Variants in EFHB observed in about 807,000 individuals in gnomAD.
EFHB encodes the protein EF-hand domain-containing family member B.
In EFHB, 91 loss-of-function variants were observed where a neutral mutation model predicts 87.2. The observed-to-expected ratio is 1.04, with a 90% CI of 0.88 to 1.24. The LOEUF is 1.24. Ranked by LOEUF, EFHB falls within the 50% of genes most tolerant of loss-of-function variation. EFHB has a pLI of 0.00. For missense variants in EFHB, 1,084 were observed against 998.8 expected, an observed-to-expected ratio of 1.09 and a Z score of -1.15; for synonymous variants, 325 against 333.6, an observed-to-expected ratio of 0.97 and a Z score of 0.28.
Position 19,888,595 on chromosome 3 carries a change from G to C in EFHB, c.1782C>G (p.Asn594Lys). The C allele has an allele frequency of 6.2e-7, 1 of 1,607,334 alleles. No individual in the cohort carries two copies. Among genetic ancestry groups the C allele is most frequent in the Non-Finnish European group, 8.5e-7 (1 of 1,176,678 alleles). ...CCAGGAGCTTGTCATCTAAACTCAA[G>C]TTGGCCTGGTCACAAGCTTCCTGCA... ...DELQEACDQA[N>K]LSLDDKLLDQ... is the part of the protein sequence containing the mutation. Residue 594 changes from asparagine to lysine, a missense_variant, in exon 10 of 13, where the codon AAC becomes AAG. Asn to Lys is a moderately conservative substitution (Grantham distance 94). Coordinates refer to ENST00000295824, the MANE Select transcript of EFHB (RefSeq NM_144715.4).
chr3:19,894,128 A>C (rs1694394814), intron 9 of EFHB, among the ~76,000 whole-genome samples: 1 of 152,216 alleles, frequency 6.6e-6, no homozygotes, highest in South Asian at 2.1e-4. Context: ...CTCTGAGTTT[A>C]TCATAGTACT....
intron 5 of EFHB, among the ~76,000 whole-genome samples, chr3:19,906,765 G>A (rs1694856476): frequency 1.3e-5 from 2 of 151,534 alleles, no homozygotes; most frequent in Non-Finnish European, 1.5e-5. Flanking sequence ...GTAATTATTA[G>A]GAAAAAGAAA....
intron 5 of EFHB, among the ~76,000 whole-genome samples, chr3:19,908,988 A>C (rs1349425609): frequency 6.6e-6 from 1 of 151,638 alleles, no homozygotes; most frequent in Admixed American, 6.6e-5. Flanking sequence ...GCAGAATAGA[A>C]AGCTCCACTG....
intron 5 of EFHB, among the ~76,000 whole-genome samples, chr3:19,908,576 G>A (rs373496763): frequency 0.091 from 8,631 of 94,546 alleles, 372 homozygotes; most frequent in Non-Finnish European, 0.13. Flanking sequence ...GAGAGAGAGA[G>A]AGAGAGAGAG....
chr3:19,916,253 G>A (rs1695226528), intron 4 of EFHB, among the ~76,000 whole-genome samples: 2 of 152,092 alleles, frequency 1.3e-5, no homozygotes, highest in Non-Finnish European at 2.9e-5. Context: ...AGTGGCTCAG[G>A]CCTGTAATCC....
chr3:19,912,891 A>G (rs890636347), intron 5 of EFHB, among the ~76,000 whole-genome samples: 11 of 152,214 alleles, frequency 7.2e-5, no homozygotes, highest in African/African-American at 2.4e-4. Context: ...AAATCAATCA[A>G]TGGGATATAT....
rs199811835 is a variant in EFHB, at chr3:19,941,868, A to AT, written c.-32+5050_-32+5051insA. On this transcript the variant is annotated intron_variant, in intron 1 of 14. Transcript: ENST00000344838. Reference sequence around the variant, plus strand: ...GTGAGACTCCATCAAAAAAAAAAAAAAAAGGCCAGGAACAGTGGCTCACAC... The same window carrying AT: ...GTGAGACTCCATCAAAAAAAAAAAAATAAAGGCCAGGAACAGTGGCTCACAC... 2.2e-4 allele frequency among the ~76,000 whole-genome samples: 32 copies of AT among 148,086 alleles called. 1 individual carries two copies. In the East Asian group the frequency reaches 2.4e-3, roughly 11 times the overall value.
chr3:19,885,182 A>G (rs1441571734), intron 10 of EFHB, among the ~76,000 whole-genome samples: 1 of 151,002 alleles, frequency 6.6e-6, no homozygotes, highest in East Asian at 1.9e-4. Context: ...AGATCGCGCC[A>G]TTGCACTCCA....
At position 19,896,690 on chromosome 3, in the gene EFHB, G is replaced by T. The variant is rs1160689451; in HGVS notation, c.1722C>A (p.Asp574Glu). 1.9e-6 allele frequency: 3 copies of T among 1,613,994 alleles called. No homozygotes were observed. Among genetic ancestry groups the T allele is most frequent in the Non-Finnish European group, 2.5e-6 (3 of 1,179,876 alleles). The change falls in exon 9 of 13, where the codon GAC becomes GAA. Residue 574 changes from aspartate (D) to glutamate (E), a missense_variant. By Grantham distance (45) the Asp-to-Glu change is conservative (BLOSUM62 2). Transcript: ENST00000295824. ...DTLLAAFRHY[D>E]KKGDGMIDKD... ...AAAGCTCTCCCCCATTACTGGCCTT[G>T]TCATAGTGCCTGAAGGCTGCCAGCA...
chr3:19,899,793 C>A (rs1694609692), intron 6 of EFHB, among the ~76,000 whole-genome samples: 1 of 152,154 alleles, frequency 6.6e-6, no homozygotes. Context: ...TAGCTCCTGG[C>A]CGGGCACAGT....
chr3:19,916,948 T>G (rs2931401), intron 4 of EFHB, among the ~76,000 whole-genome samples: 102,960 of 152,010 alleles, frequency 0.68, 35,625 homozygotes, highest in African/African-American at 0.79. Flanking sequence ...ATATATACAT[T>G]TTTTGAAACA....
chr3:19,939,536 C>T (rs899244261), intron 1 of EFHB, among the ~76,000 whole-genome samples: 8 of 150,280 alleles, frequency 5.3e-5, no homozygotes, highest in South Asian at 2.2e-4. Context: ...AGGCGCCCGC[C>T]ACCACACCCG....
chr3:19,904,801 C>A (rs1372464279), intron 6 of EFHB, among the ~76,000 whole-genome samples: 1 of 152,148 alleles, frequency 6.6e-6, no homozygotes, highest in Non-Finnish European at 1.5e-5. Flanking sequence ...ATAGACATAT[C>A]TTTTTGTGGA....
At position 19,919,977 on chromosome 3, in the gene EFHB, C is replaced by G. The variant is rs759808048; in HGVS notation, c.853-1G>C. On this transcript the variant is annotated splice_acceptor_variant, in intron 2 of 12. Transcript: ENST00000295824. LOFTEE classifies it high-confidence loss of function. ...TTTTTGCTTCAGGTGGAGTAATTAG[C>G]TACAAAGAGTGAGGCAAGAAAATAG... 6.2e-7 allele frequency: 1 copy of G among 1,613,426 alleles called. No homozygotes were observed. Among genetic ancestry groups the G allele is most frequent in the South Asian group, 1.1e-5 (1 of 91,070 alleles).
chr3:19,905,503 A>G (rs1359325866), intron 6 of EFHB, 117 bp downstream of exon 6: 2 of 1,154,634 alleles, frequency 1.7e-6, no homozygotes, highest in African/African-American at 3.1e-5. Flanking sequence ...TTTTCTAGTC[A>G]TCTTGTTTGA....
intron 1 of EFHB, chr3:19,943,317 G>C: frequency 4.6e-6 from 1 of 217,982 alleles, no homozygotes; most frequent in Non-Finnish European, 9.6e-6. Context: ...CTTTAAACAG[G>C]GTTGTTTGCA....
chr3:19,924,349 G>C (rs1031653832), intron 1 of EFHB, among the ~76,000 whole-genome samples: 1 of 151,822 alleles, frequency 6.6e-6, no homozygotes, highest in Non-Finnish European at 1.5e-5. Flanking sequence ...GAGTAGCTGG[G>C]AATACAGGCA....
chr3:19,939,369 C>T (rs113543173), intron 1 of EFHB, among the ~76,000 whole-genome samples: 3,161 of 87,384 alleles, frequency 0.036, 176 homozygotes, highest in African/African-American at 0.12. Flanking sequence ...GGTTGGGTCT[C>T]CTTTTTTTTT....
At position 19,933,944 on chromosome 3, in the gene EFHB, T is replaced by G; in HGVS notation, c.75A>C (p.Lys25Asn). 6.2e-7 allele frequency: 1 copy of G among 1,613,840 alleles called. No individual in the cohort carries two copies. The highest frequency in any genetic ancestry group is 1.3e-5 in the African/African-American group (1 of 75,042). Residue 25 changes from lysine (K) to asparagine (N), a missense_variant, in exon 1 of 13, where the codon AAA becomes AAC. By Grantham distance (94) the Lys-to-Asn change is moderately conservative. Coordinates refer to ENST00000295824, the MANE Select transcript of EFHB (RefSeq NM_144715.4). Reference sequence around the variant, plus strand: ...CTCTGATCCCCAACTCCATGGGAAATTTTGTTCCCATGATGACCCTCTTGT... The same window carrying G: ...CTCTGATCCCCAACTCCATGGGAAAGTTTGTTCCCATGATGACCCTCTTGT... ...LGDKRVIMGTKFPMELGIRVG... is the reference protein window; with the variant it reads ...LGDKRVIMGTNFPMELGIRVG...
Sources: gnomAD v4.1 joint callset for allele counts (sites outside exome capture counted in the v4.1 genomes callset) on GRCh38, gnomAD v4.1.1 for gene constraint, MANE v1.5 for transcripts, NCBI Gene and HGNC (gene_info 2026-07-23, HGNC 2026-07-21) for gene names.